Variants in KLF12 observed in about 807,000 individuals in gnomAD.
KLF12 encodes the protein Krueppel-like factor 12.
In KLF12, 9 loss-of-function variants were observed where a neutral mutation model predicts 37.8. The ratio of observed to expected loss-of-function variants is 0.24; its 90% CI spans 0.14 to 0.42. KLF12 has a LOEUF of 0.42. KLF12 is among the 10% of genes least tolerant of loss of function. KLF12 has a pLI of 1.00. For missense variants in KLF12, 411 were observed against 516.0 expected, an observed-to-expected ratio of 0.80 and a Z score of 1.97; for synonymous variants, 208 against 202.1, an observed-to-expected ratio of 1.03 and a Z score of -0.25.
chr13:74,029,677 C>A (rs1372211295), intron 1 of KLF12, among the ~76,000 whole-genome samples: 1 of 152,030 alleles, frequency 6.6e-6, no homozygotes, highest in Non-Finnish European at 1.5e-5. Context: ...AAGTCTCATT[C>A]TATACATCAG....
chr13:73,826,928 T>TG (rs1883877986), intron 4 of KLF12, among the ~76,000 whole-genome samples: 1 of 152,080 alleles, frequency 6.6e-6, no homozygotes, highest in African/African-American at 2.4e-5. Context: ...ACTACAGGTG[T>TG]GGGCCATCAT....
At chr13:74,164,200 C>T in the KLF12 span, among the ~76,000 whole-genome samples, 2 of 152,064 alleles carry the variant, frequency 1.3e-5, no homozygotes, top group South Asian at 4.1e-4. Flanking sequence ...TCATTTAACC[C>T]TTCTGTTTTC....
At chr13:73,709,101 G>T (rs1204219563) in intron 7 of KLF12, among the ~76,000 whole-genome samples, 2 of 152,138 alleles carry the variant, frequency 1.3e-5, no homozygotes, top group East Asian at 3.9e-4. Flanking sequence ...GTACACTCAT[G>T]AAAATATACT....
intron 1 of KLF12, among the ~76,000 whole-genome samples, chr13:74,039,427 G>C (rs902435428): frequency 6.6e-6 from 1 of 151,696 alleles, no homozygotes; most frequent in African/African-American, 2.4e-5. Flanking sequence ...CAGCTACTTG[G>C]GAAGCTGAGA....
chr13:74,109,150 AATC>A (rs1044045544), intron 1 of KLF12, among the ~76,000 whole-genome samples: 5 of 152,324 alleles, frequency 3.3e-5, no homozygotes, highest in Middle Eastern at 3.4e-3. Context: ...AAAACAGATA[AATC>A]ATCAACTAGT....
intron 1 of KLF12, among the ~76,000 whole-genome samples, chr13:74,065,046 C>T (rs1873824053): frequency 6.6e-6 from 1 of 152,142 alleles, no homozygotes; most frequent in Non-Finnish European, 1.5e-5. Flanking sequence ...CAGTACTCTG[C>T]TTCTGATTCA....
intron 2 of KLF12, among the ~76,000 whole-genome samples, chr13:73,971,013 T>C (rs1891319937): frequency 6.6e-6 from 1 of 152,184 alleles, no homozygotes; most frequent in African/African-American, 2.4e-5. Flanking sequence ...AGAAAAGTTG[T>C]CAGTAGTTTT....
chr13:74,262,780 G>A, the KLF12 span, among the ~76,000 whole-genome samples: 1 of 151,978 alleles, frequency 6.6e-6, no homozygotes, highest in Non-Finnish European at 1.5e-5. Flanking sequence ...AGGACCTCAG[G>A]AAGGCAATGT....
chr13:74,141,044 G>C, the KLF12 span, among the ~76,000 whole-genome samples: 1 of 151,994 alleles, frequency 6.6e-6, no homozygotes, highest in African/African-American at 2.4e-5. Flanking sequence ...CAGCCTGGGT[G>C]ACAGAGGGAG....
the KLF12 span, among the ~76,000 whole-genome samples, chr13:74,247,386 TG>T: frequency 6.6e-6 from 1 of 152,102 alleles, no homozygotes; most frequent in African/African-American, 2.4e-5. Flanking sequence ...ATGGGCAATT[TG>T]GGGGGATCTT....
At chr13:73,752,725 T>G (rs1878856334) in intron 6 of KLF12, among the ~76,000 whole-genome samples, 1 of 21,882 alleles carries the variant, frequency 4.6e-5, no homozygotes, top group Non-Finnish European at 8.6e-5. Context: ...CCCTTCCACA[T>G]ATATATTTTT....
intron 1 of KLF12, among the ~76,000 whole-genome samples, chr13:74,043,767 A>C (rs1675700703): frequency 6.6e-6 from 1 of 152,224 alleles, no homozygotes; most frequent in Non-Finnish European, 1.5e-5. Context: ...AATTGTAAAA[A>C]TTGGGCAATG....
Position 73,994,992 on chromosome 13 carries a change from T to C in KLF12, c.31A>G (p.Lys11Glu). The stretch of plus-strand genomic sequence containing the variant: ...ATTTTAACATCTGACTAACCAACCT[T>C]TATTGTTTTTCTCTTCATATGGATA... Residue 11 changes from lysine to glutamate, a missense_variant and splice_region_variant, in exon 2 of 8, where the codon AAG becomes GAG. This residue lies in a region of KLF12 where 351 missense variants were observed against 397.8 expected (regional missense o/e 0.88). Coordinates refer to ENST00000377669, the MANE Select transcript of KLF12 (RefSeq NM_007249.5). 6.3e-7 allele frequency: 1 copy of C among 1,597,504 alleles called. No individual in the cohort carries two copies. The highest frequency in any genetic ancestry group is 8.6e-7 in the Non-Finnish European group (1 of 1,166,036).
chr13:73,851,474 G>A (rs1437597419), intron 3 of KLF12, among the ~76,000 whole-genome samples: 2 of 152,134 alleles, frequency 1.3e-5, no homozygotes, highest in Non-Finnish European at 2.9e-5. Flanking sequence ...TGGCCCACAG[G>A]AAGATCATGT....
intron 1 of KLF12, among the ~76,000 whole-genome samples, chr13:74,042,640 T>C (rs145302122): frequency 1.3e-5 from 2 of 152,282 alleles, no homozygotes; most frequent in Non-Finnish European, 2.9e-5. Context: ...ACTTAATGGA[T>C]TGCCGAGTCT....
the KLF12 span, among the ~76,000 whole-genome samples, chr13:74,192,521 A>G: frequency 6.6e-6 from 1 of 152,216 alleles, no homozygotes; most frequent in African/African-American, 2.4e-5. Context: ...ATGCATATTT[A>G]TTATGCTTTG....
intron 4 of KLF12, among the ~76,000 whole-genome samples, chr13:73,837,994 A>G (rs1884529912): frequency 6.6e-6 from 1 of 152,162 alleles, no homozygotes; most frequent in African/African-American, 2.4e-5. Flanking sequence ...GACATGAACG[A>G]AATCTCTAGC....
the KLF12 span, among the ~76,000 whole-genome samples, chr13:74,238,757 G>A: frequency 2.6e-5 from 4 of 151,914 alleles, no homozygotes; most frequent in Non-Finnish European, 4.4e-5. Context: ...TCTGATGGTA[G>A]TTTGTATTTC....
upstream of KLF12, among the ~76,000 whole-genome samples, chr13:74,135,611 CG>C (rs1878524621): frequency 2.0e-5 from 3 of 151,090 alleles, no homozygotes; most frequent in Admixed American, 2.0e-4. Context: ...GCGGGGCGCG[CG>C]GCGGACGGAG....
Sources: allele counts gnomAD v4.1 joint callset (sites outside exome capture counted in the v4.1 genomes callset), GRCh38; gene constraint gnomAD v4.1.1; regional missense constraint gnomAD v4.1.1; transcripts MANE v1.5; gene names NCBI Gene and HGNC (gene_info 2026-07-23, HGNC 2026-07-21).